The following TANC1 variants were observed in gnomAD, a reference collection of about 807,000 sequenced individuals.
The protein encoded by TANC1 is protein TANC1.
A neutral mutation model predicts 149.7 loss-of-function variants in TANC1; 77 were observed. That is an observed-to-expected ratio of 0.51 (90% CI 0.43 to 0.62). The LOEUF is 0.62. Ranked by LOEUF, TANC1 falls within the 20% of genes least tolerant of loss-of-function variation. The pLI, the probability that TANC1 is intolerant of heterozygous loss-of-function variation, is 0.00. For synonymous variants in TANC1, 854 were observed against 925.0 expected (o/e 0.92, Z 1.39); for missense variants, 1,985 against 2,321.8 (o/e 0.85, Z 2.98).
chr2:159,230,824 G>A lies in TANC1; in HGVS notation c.5398G>A (p.Val1800Met), dbSNP rs1412196522. 1 of 1,614,222 alleles carries A rather than the reference G, an allele frequency of 6.2e-7. No individual in the cohort carries two copies. The highest frequency in any genetic ancestry group is 8.5e-7 in the Non-Finnish European group (1 of 1,180,034). Reference sequence around the variant, plus strand: ...TGCAAGTGTCCACAATGGGGCACAAGTGAAGGAGCTAGAAGAAAGCAAGTG... The same window carrying A: ...TGCAAGTGTCCACAATGGGGCACAAATGAAGGAGCTAGAAGAAAGCAAGTG... Reference protein sequence around the residue: ...LSASVHNGAQVKELEESKCQI... With the variant: ...LSASVHNGAQMKELEESKCQI... Residue 1800 changes from valine (V) to methionine (M), a missense_variant, in exon 27 of 27, where the codon GTG becomes ATG. Transcript: ENST00000263635. The surrounding 1 kb of genome is among the most constrained non-coding windows in gnomAD (Gnocchi z 4.4).
chr2:159,175,047 A>G lies in TANC1; in HGVS notation c.1598A>G (p.His533Arg). The G allele has an allele frequency of 1.2e-6, 2 of 1,614,220 alleles. No homozygotes were observed. Among genetic ancestry groups the G allele is most frequent in the Non-Finnish European group, 8.5e-7 (1 of 1,180,042 alleles). ...HSIAALLCRS[H>R]QLAAYRDLLI... Reference sequence around the variant, plus strand: ...ATCGCAGCTTTGCTCTGCCGGTCCCATCAGCTGGCCGCCTACAGAGACCTT... The same window carrying G: ...ATCGCAGCTTTGCTCTGCCGGTCCCGTCAGCTGGCCGCCTACAGAGACCTT... The change falls in exon 12 of 27, where the codon CAT (histidine) becomes CGT (arginine). Residue 533 changes from histidine (H) to arginine (R), a missense_variant. By Grantham distance (29) the His-to-Arg change is conservative. Around this residue, in one of 3 missense-constraint regions of TANC1, gnomAD observed 508 missense variants for 714.2 expected, o/e 0.71. Coordinates refer to ENST00000263635, the MANE Select transcript of TANC1 (RefSeq NM_033394.3).
rs1431506091 is a variant in TANC1 at position 159,229,927 on chromosome 2, C to T, written c.4501C>T (p.Pro1501Ser). The change falls in exon 27 of 27, where the codon CCG becomes TCG. Residue 1501 changes from proline (P) to serine (S), a missense_variant. By Grantham distance (74) the Pro-to-Ser change is moderately conservative. Around this residue, in one of 3 missense-constraint regions of TANC1, gnomAD observed 920 missense variants for 994.7 expected, o/e 0.92. Coordinates refer to ENST00000263635, the MANE Select transcript of TANC1 (RefSeq NM_033394.3). ...LQEGLQSKGRPVSPQSRAGIG... is the reference protein window; with the variant it reads ...LQEGLQSKGRSVSPQSRAGIG... ...AGAAGGGTTACAGTCCAAAGGAAGG[C>T]CGGTATCGCCACAGAGCAGGGCAGG... 5.0e-6 allele frequency: 8 copies of T among 1,613,936 alleles called. No individual in the cohort carries two copies. In the African/African-American group the frequency reaches 9.3e-5, roughly 19 times the overall value.
chr2:159,197,071 G>A (rs1045793739), intron 18 of TANC1, among the ~76,000 whole-genome samples: 1 of 152,104 alleles, frequency 6.6e-6, no homozygotes, highest in Non-Finnish European at 1.5e-5. Flanking sequence ...CTCCTTCCCT[G>A]CTCTGCCCTC....
At chr2:159,010,828 G>C (rs1156705423) in intron 2 of TANC1, among the ~76,000 whole-genome samples, 1 of 151,476 alleles carries the variant, frequency 6.6e-6, no homozygotes, top group Non-Finnish European at 1.5e-5. Context: ...AAAAATGAAG[G>C]AAAGGTTTAT....
chr2:158,979,236 T>G (rs1414262836), intron 1 of TANC1, among the ~76,000 whole-genome samples: 1 of 152,112 alleles, frequency 6.6e-6, no homozygotes, highest in Admixed American at 6.5e-5. Flanking sequence ...TGCCTATAAT[T>G]CTAGTACTTT....
chr2:159,223,548 TA>T lies in TANC1; in HGVS notation c.3679-680del, dbSNP rs1161125092. On this transcript the variant is annotated intron_variant, in intron 22 of 26. Transcript: ENST00000263635. ...ATATTTTTAGATTCACATGAAAATCTAAAATAGCCACAGGCTAAAAAATGGC... is the reference window on the plus strand; with the variant it reads ...ATATTTTTAGATTCACATGAAAATCTAAATAGCCACAGGCTAAAAAATGGC... Among the ~76,000 whole-genome samples the T allele has an allele frequency of 2.0e-5, 3 of 152,206 alleles. No homozygotes were observed. The East Asian group carries it at 5.8e-4, about 29-fold the overall frequency.
rs567436241 is a variant in TANC1, at chr2:159,149,283, A to G, written c.495+11A>G. 6.2e-7 allele frequency: 1 copy of G among 1,614,192 alleles called. No individual in the cohort carries two copies. The highest frequency in any genetic ancestry group is 2.2e-5 in the East Asian group (1 of 44,878). On this transcript the variant is annotated intron_variant, in intron 6 of 26. Transcript: ENST00000263635. The stretch of plus-strand genomic sequence containing the variant: ...AAAAATGAAACCATGGTAATGCCCG[A>G]GGAAGACACTACATTGCATACCTCT...
intron 19 of TANC1, among the ~76,000 whole-genome samples, chr2:159,216,284 G>A (rs10174247): frequency 0.31 from 46,534 of 151,014 alleles, 8,201 homozygotes; most frequent in Admixed American, 0.49. Context: ...TGACTTGTAA[G>A]AAGACTTCCC....
chr2:159,136,060 GC>G, intron 4 of TANC1, 133 bp from the exon 5 acceptor site: 1 of 606,702 alleles, frequency 1.6e-6, no homozygotes, highest in Non-Finnish European at 3.0e-6. Context: ...GCGCGCGCGC[GC>G]GTTTAAGGGA....
At chr2:159,105,094 A>C (rs1307748367) in intron 4 of TANC1, among the ~76,000 whole-genome samples, 2 of 122,454 alleles carry the variant, frequency 1.6e-5, no homozygotes, top group African/African-American at 6.0e-5. Context: ...TCCCAGGTTC[A>C]CGCCATTCTC....
chr2:158,991,990 C>G lies in TANC1; in HGVS notation c.-125-9090C>G, dbSNP rs77429337. On this transcript the variant is annotated intron_variant, in intron 1 of 26. Coordinates refer to ENST00000263635, the MANE Select transcript of TANC1 (RefSeq NM_033394.3). ...AATTAATCACTCTTCCATCTGTGCT[C>G]TCACATCAATTAAAATATTTTAAGA... Among the ~76,000 whole-genome samples the G allele has an allele frequency of 7.9e-3, 1,200 of 152,240 alleles. 4 individuals carry two copies. Among genetic ancestry groups the G allele is most frequent in the Middle Eastern group, 0.021 (6 of 292 alleles).
intron 1 of TANC1, among the ~76,000 whole-genome samples, chr2:158,987,117 G>T (rs1260445524): frequency 6.6e-6 from 1 of 151,544 alleles, no homozygotes; most frequent in Non-Finnish European, 1.5e-5. Context: ...AGGAGGCTGA[G>T]GCAGGAGAAT....
At chr2:159,134,944 T>G (rs958769198) in intron 4 of TANC1, among the ~76,000 whole-genome samples, 9 of 152,112 alleles carry the variant, frequency 5.9e-5, no homozygotes, top group Admixed American at 1.3e-4. Flanking sequence ...GCAGTTTTGT[T>G]TAGGTATAAT....
intron 3 of TANC1, among the ~76,000 whole-genome samples, chr2:159,084,648 A>G (rs890882313): frequency 6.6e-6 from 1 of 152,138 alleles, no homozygotes; most frequent in Non-Finnish European, 1.5e-5. Context: ...TATTGTTCTA[A>G]AAGTCTTTTT....
rs139790758 is a variant in TANC1, at chr2:159,232,654, A to G, written c.*1642A>G. 3.3e-4 allele frequency: 51 copies of G among 152,738 alleles called. No homozygotes were observed. Among genetic ancestry groups the G allele is most frequent in the African/African-American group, 1.2e-3 (50 of 41,588 alleles). 9.5% of individuals were successfully genotyped at this position (152,738 alleles called of 1,614,324 possible). A position where few individuals can be genotyped will look rare whatever the true frequency, so the allele number is the denominator to read the frequency against. On this transcript the variant is annotated 3_prime_UTR_variant, in exon 27 of 27. Coordinates refer to ENST00000263635, the MANE Select transcript of TANC1 (RefSeq NM_033394.3). ...TTTCCATATGGAATAAAGACTATTA[A>G]TAGAATGTGTTTTGCACTAAATGAG...
At chr2:159,012,562 TCA>T (rs1244038640) in intron 2 of TANC1, among the ~76,000 whole-genome samples, 6 of 152,188 alleles carry the variant, frequency 3.9e-5, no homozygotes, top group Non-Finnish European at 5.9e-5. Context: ...GTGCTTTCCC[TCA>T]CACAGTTTTT....
intron 26 of TANC1, among the ~76,000 whole-genome samples, chr2:159,229,127 C>T (rs114928741): frequency 0.011 from 1,658 of 152,172 alleles, 40 homozygotes; most frequent in African/African-American, 0.038. Context: ...CTTCCCACCC[C>T]TCCCCCCACG....
At chr2:159,162,521 G>A (rs1012800034) in intron 7 of TANC1, among the ~76,000 whole-genome samples, 2 of 152,214 alleles carry the variant, frequency 1.3e-5, no homozygotes, top group African/African-American at 4.8e-5. Context: ...TGTAGGGTGA[G>A]TATTGCTTCG....
At chr2:159,225,571 G>T in intron 23 of TANC1, 117 bp from the exon 24 acceptor site, 1 of 759,560 alleles carries the variant, frequency 1.3e-6, no homozygotes, top group Non-Finnish European at 2.3e-6. Flanking sequence ...TCATCGTGCT[G>T]TGGTCCTTGC....
Sources: gnomAD v4.1 joint callset for allele counts (sites outside exome capture counted in the v4.1 genomes callset) on GRCh38, gnomAD v4.1.1 for gene constraint, gnomAD v4.1.1 regional missense constraint, Gnocchi (gnomAD v3.1) non-coding constraint, MANE v1.5 for transcripts, NCBI Gene and HGNC (gene_info 2026-07-23, HGNC 2026-07-21) for gene names.